The following CFTR variants were observed in gnomAD, a reference collection of about 807,000 sequenced individuals.
CFTR encodes the protein CF transmembrane conductance regulator.
Under a neutral mutation model 171.6 loss-of-function variants are expected in CFTR, and 181 were observed. That is an observed-to-expected ratio of 1.05 (90% CI 0.93 to 1.19). The LOEUF (loss-of-function observed/expected upper bound fraction) is 1.19. Ranked by LOEUF, CFTR falls within the 50% of genes most tolerant of loss-of-function variation. The pLI is 0.00. For synonymous variants in CFTR, 583 were observed against 608.0 expected, an observed-to-expected ratio of 0.96 and a Z score of 0.60; for missense variants, 1,968 against 1,734.7, an observed-to-expected ratio of 1.13 and a Z score of -2.39.
At chr7:117,584,878 C>A (rs936357240) in intron 11 of CFTR, among the ~76,000 whole-genome samples, 2 of 151,172 alleles carry the variant, frequency 1.3e-5, no homozygotes, top group African/African-American at 4.8e-5. Context: ...TTGTAGAGAT[C>A]TTTAACCTCC....
intron 2 of CFTR, among the ~76,000 whole-genome samples, chr7:117,508,340 A>G (rs1000889240): frequency 3.3e-5 from 5 of 152,196 alleles, no homozygotes; most frequent in South Asian, 2.1e-4. Flanking sequence ...TGGTGTTCCT[A>G]TAGTATTTAA....
At chr7:117,542,366 G>T (rs1290213162) in intron 9 of CFTR, among the ~76,000 whole-genome samples, 1 of 152,034 alleles carries the variant, frequency 6.6e-6, no homozygotes, top group East Asian at 1.9e-4. Flanking sequence ...GGCCAACATG[G>T]TAAAACCCGG....
At position 117,523,374 on chromosome 7, in the gene CFTR, G is replaced by GT. The variant is rs1205226439; in HGVS notation, c.274-7519dup. ...TGTCTCTGAATTTTTGTTTTGTTTT[G>GT]TTTTTTGTTTTTTTTTTTTTGAGAC... is the stretch of plus-strand genomic sequence containing the variant. On this transcript the variant is annotated intron_variant, in intron 3 of 26. Transcript: ENST00000003084. Among the ~76,000 whole-genome samples the GT allele has an allele frequency of 3.8e-3, 526 of 139,588 alleles. 2 individuals carry two copies. The highest frequency in any genetic ancestry group is 0.01 in the African/African-American group (407 of 38,828). 91.6% of individuals were successfully genotyped at this position (139,588 alleles called of 152,430 possible).
intron 15 of CFTR, among the ~76,000 whole-genome samples, chr7:117,602,455 G>C (rs370235786): frequency 3.3e-5 from 5 of 152,308 alleles, no homozygotes; most frequent in Admixed American, 6.5e-5. Context: ...ATAGCAAACA[G>C]ATTAATTATC....
chr7:117,609,708 T>C (rs557650411), intron 18 of CFTR, among the ~76,000 whole-genome samples: 1 of 152,254 alleles, frequency 6.6e-6, no homozygotes, highest in African/African-American at 2.4e-5. Flanking sequence ...TGCCCAGCTT[T>C]CAAAAACTGT....
At chr7:117,582,587 C>G (rs531786470) in intron 11 of CFTR, among the ~76,000 whole-genome samples, 1 of 152,064 alleles carries the variant, frequency 6.6e-6, no homozygotes, top group Non-Finnish European at 1.5e-5. Flanking sequence ...TCAGCCATCT[C>G]CCCAGGGAGG....
chr7:117,592,720 G>GT, intron 14 of CFTR, 63 bp downstream of exon 14: 1 of 1,364,204 alleles, frequency 7.3e-7, no homozygotes, highest in Non-Finnish European at 9.6e-7. Context: ...AATGCAATAT[G>GT]TAGCATGTAA....
intron 10 of CFTR, among the ~76,000 whole-genome samples, chr7:117,553,325 T>G (rs562824521): frequency 2.6e-5 from 4 of 152,342 alleles, no homozygotes; most frequent in African/African-American, 9.6e-5. Flanking sequence ...CACTATTGAT[T>G]GACATTTGGG....
chr7:117,651,005 A>G (rs974546997), intron 23 of CFTR, among the ~76,000 whole-genome samples: 3 of 152,178 alleles, frequency 2.0e-5, no homozygotes, highest in Non-Finnish European at 4.4e-5. Flanking sequence ...ACCTTGGACA[A>G]GTCACTTACC....
At chr7:117,609,827 T>A (rs1792355189) in intron 18 of CFTR, among the ~76,000 whole-genome samples, 3 of 152,136 alleles carry the variant, frequency 2.0e-5, no homozygotes, top group South Asian at 2.1e-4. Flanking sequence ...TACTTTAAAG[T>A]GTCTGGGAAA....
At chr7:117,641,557 C>G (rs549867152) in intron 22 of CFTR, among the ~76,000 whole-genome samples, 41 of 152,270 alleles carry the variant, frequency 2.7e-4, no homozygotes, top group African/African-American at 8.9e-4. Flanking sequence ...TTCAGTGCCA[C>G]TAACTGTCAG....
At chr7:117,573,281 A>G (rs1457195285) in intron 11 of CFTR, among the ~76,000 whole-genome samples, 1 of 152,170 alleles carries the variant, frequency 6.6e-6, no homozygotes, top group Non-Finnish European at 1.5e-5. Context: ...CTCCTTAATA[A>G]TAAAGTAAGT....
chr7:117,587,691 A>T (rs1197609142), intron 11 of CFTR, 48 bp from the exon 12 acceptor site: 2 of 1,054,370 alleles, frequency 1.9e-6, no homozygotes, highest in Non-Finnish European at 1.5e-6. Flanking sequence ...TCAAATTCAG[A>T]TTGAGCATAC....
intron 24 of CFTR, among the ~76,000 whole-genome samples, chr7:117,654,300 T>C (rs1005014293): frequency 3.3e-5 from 5 of 152,184 alleles, no homozygotes; most frequent in African/African-American, 1.2e-4. Flanking sequence ...CTGGGCCCTG[T>C]GACTCCCTGG....
At chr7:117,570,810 A>G (rs765025957) in intron 11 of CFTR, among the ~76,000 whole-genome samples, 8 of 152,166 alleles carry the variant, frequency 5.3e-5, no homozygotes, top group Non-Finnish European at 1.0e-4. Context: ...TAAATTTTCT[A>G]TTTGTAAAGG....
At chr7:117,624,770 A>G (rs1792627471) in intron 21 of CFTR, among the ~76,000 whole-genome samples, 1 of 152,154 alleles carries the variant, frequency 6.6e-6, no homozygotes, top group Non-Finnish European at 1.5e-5. Context: ...TTGCATAGAC[A>G]CTATGTTTTG....
chr7:117,610,405 T>G, intron 18 of CFTR, 114 bp from the exon 19 acceptor site: 1 of 865,984 alleles, frequency 1.2e-6, no homozygotes, highest in Non-Finnish European at 1.8e-6. Context: ...TAAAAAAAAG[T>G]TTGAGGTGTT....
At chr7:117,598,327 C>G (rs1183994012) in intron 15 of CFTR, among the ~76,000 whole-genome samples, 1 of 152,106 alleles carries the variant, frequency 6.6e-6, no homozygotes, top group African/African-American at 2.4e-5. Flanking sequence ...AACTCAAGTC[C>G]CATGCTACCT....
intron 18 of CFTR, among the ~76,000 whole-genome samples, chr7:117,610,293 G>C (rs963455669): frequency 6.7e-6 from 1 of 148,336 alleles, no homozygotes; most frequent in Non-Finnish European, 1.5e-5. Context: ...GCTAGATGAC[G>C]AGTTAGTGGG....
Sources: gnomAD v4.1 joint callset for allele counts (sites outside exome capture counted in the v4.1 genomes callset) on GRCh38, gnomAD v4.1.1 for gene constraint, MANE v1.5 for transcripts, NCBI Gene and HGNC (gene_info 2026-07-23, HGNC 2026-07-21) for gene names.